The following KIRREL1 variants were observed in gnomAD, a reference collection of about 807,000 sequenced individuals.
The protein encoded by KIRREL1 is kin of IRRE-like protein 1.
A neutral mutation model predicts 83.3 loss-of-function variants in KIRREL1; 25 were observed. That is an observed-to-expected ratio of 0.30 (90% confidence interval 0.22 to 0.42). The LOEUF is 0.42. Ranked by LOEUF, KIRREL1 falls within the 10% of genes least tolerant of loss-of-function variation. KIRREL1 has a pLI of 1.00. For missense variants in KIRREL1, 812 were observed against 1,032.3 expected, an observed-to-expected ratio of 0.79 and a Z score of 2.92; for synonymous variants, 388 against 410.4, an observed-to-expected ratio of 0.95 and a Z score of 0.66.
In KIRREL1 at chr1:158,099,924, G is replaced by A. The variant is rs1395330621; in HGVS notation, c.*4804G>A. The A allele has an allele frequency of 6.6e-6, 1 of 152,104 alleles. No individual in the cohort carries two copies. Among genetic ancestry groups the A allele is most frequent in the Non-Finnish European group, 1.5e-5 (1 of 68,024 alleles). The allele number at this position is 152,104 out of a possible 1,614,324, so 9.4% of individuals were successfully genotyped here. On this transcript the variant is annotated 3_prime_UTR_variant, in exon 15 of 15. Transcript: ENST00000359209. ...TTTGAGAAGTCCAATTTCACCAGAA[G>A]AGGCCCAGGGCTCCCTGTGGTCACA...
intron 13 of KIRREL1, among the ~76,000 whole-genome samples, chr1:158,093,972 C>CA (rs1662280931): frequency 6.6e-6 from 1 of 152,270 alleles, no homozygotes; most frequent in Non-Finnish European, 1.5e-5. Context: ...TGGGATTGTC[C>CA]AAAGACTTCC....
rs1338262670 is a variant in KIRREL1, at chr1:158,097,131, G to C, written c.*2011G>C. The C allele has an allele frequency of 2.2e-6, 1 of 453,988 alleles. No homozygotes were observed. The highest frequency in any genetic ancestry group is 4.4e-6 in the Non-Finnish European group (1 of 225,696). 28.1% of individuals were successfully genotyped at this position (453,988 alleles called of 1,614,324 possible). Reference sequence around the variant, plus strand: ...CTGGGGCATTTACAGGCTTCCAGCTGTATTCCATCCCTGGAAGCTGATACC... The same window carrying C: ...CTGGGGCATTTACAGGCTTCCAGCTCTATTCCATCCCTGGAAGCTGATACC... On this transcript the variant is annotated 3_prime_UTR_variant, in exon 15 of 15. Coordinates refer to ENST00000359209, the MANE Select transcript of KIRREL1 (RefSeq NM_018240.7).
intron 1 of KIRREL1, among the ~76,000 whole-genome samples, chr1:158,067,650 G>A (rs960142314): frequency 6.6e-6 from 1 of 152,226 alleles, no homozygotes; most frequent in Non-Finnish European, 1.5e-5. Flanking sequence ...CACACAGCAG[G>A]TTGGTGGCAG....
intron 1 of KIRREL1, among the ~76,000 whole-genome samples, chr1:158,043,381 A>T (rs1660693514): frequency 6.6e-6 from 1 of 151,994 alleles, no homozygotes. Flanking sequence ...TCCTGCTCAG[A>T]TGTGCTCAGC....
chr1:158,090,961 T>C (rs1352799878), intron 10 of KIRREL1, among the ~76,000 whole-genome samples: 1 of 152,146 alleles, frequency 6.6e-6, no homozygotes, highest in Non-Finnish European at 1.5e-5. Context: ...GCAGAACTTT[T>C]TCTACAACAT....
intron 1 of KIRREL1, among the ~76,000 whole-genome samples, chr1:158,025,251 G>A (rs1271906439): frequency 6.6e-6 from 1 of 152,120 alleles, no homozygotes; most frequent in Non-Finnish European, 1.5e-5. Context: ...TCAGGGTGGC[G>A]GAGACACCGA....
intron 3 of KIRREL1, among the ~76,000 whole-genome samples, chr1:158,083,554 T>C (rs1386723612): frequency 6.6e-6 from 1 of 152,156 alleles, no homozygotes; most frequent in East Asian, 1.9e-4. Flanking sequence ...GTTGTAGCCA[T>C]TGAAGGTGCT....
chr1:158,018,209 C>A (rs745558438), intron 1 of KIRREL1, among the ~76,000 whole-genome samples: 2 of 152,132 alleles, frequency 1.3e-5, no homozygotes, highest in Non-Finnish European at 2.9e-5. Flanking sequence ...CACCCTGGGT[C>A]AGAATTGTCA....
chr1:158,044,746 A>G (rs1197028945), intron 1 of KIRREL1, among the ~76,000 whole-genome samples: 1 of 152,152 alleles, frequency 6.6e-6, no homozygotes, highest in Non-Finnish European at 1.5e-5. Context: ...TGATCCGCTC[A>G]TCCCAAAGTG....
At chr1:158,058,808 C>T (rs1013311334) in intron 1 of KIRREL1, among the ~76,000 whole-genome samples, 1 of 152,176 alleles carries the variant, frequency 6.6e-6, no homozygotes, top group African/African-American at 2.4e-5. Flanking sequence ...CTCCATCATC[C>T]CATTCCTGAG....
Position 158,088,349 on chromosome 1 carries a change from C to A in KIRREL1, c.939C>A (p.Asp313Glu). 12 of 1,613,656 alleles carry A rather than the reference C, an allele frequency of 7.4e-6. No homozygotes were observed. Among genetic ancestry groups the A allele is most frequent in the Non-Finnish European group, 1.0e-5 (12 of 1,179,796 alleles). ...CAGTTGCTCCCCGGATTGTAGTTGA[C>A]CCCAAACCCACAACCACAGACATTG... ...NVHFAPRIVV[D>E]PKPTTTDIGS... Residue 313 changes from aspartate to glutamate, a missense_variant, in exon 8 of 15, where the codon GAC becomes GAA. Asp to Glu is a conservative substitution (Grantham distance 45). This residue lies in a region of KIRREL1 where 472 missense variants were observed against 626.8 expected (regional missense o/e 0.75). Coordinates refer to ENST00000359209, the MANE Select transcript of KIRREL1 (RefSeq NM_018240.7).
At chr1:158,019,309 G>A (rs1160193543) in intron 1 of KIRREL1, among the ~76,000 whole-genome samples, 1 of 152,116 alleles carries the variant, frequency 6.6e-6, no homozygotes, top group Non-Finnish European at 1.5e-5. Flanking sequence ...GGAAAAAAAA[G>A]GCATTGAATT....
In KIRREL1 at chr1:158,095,565, G is replaced by A. The variant is rs1662334163; in HGVS notation, c.*445G>A. The A allele has an allele frequency of 6.3e-6, 1 of 159,790 alleles. No individual in the cohort carries two copies. Among genetic ancestry groups the A allele is most frequent in the African/African-American group, 2.4e-5 (1 of 41,612 alleles). 9.9% of individuals were successfully genotyped at this position (159,790 alleles called of 1,614,324 possible). A position where few individuals can be genotyped will look rare whatever the true frequency, so the allele number is the denominator to read the frequency against. On this transcript the variant is annotated 3_prime_UTR_variant, in exon 15 of 15. Coordinates refer to ENST00000359209, the MANE Select transcript of KIRREL1 (RefSeq NM_018240.7). ...TGTGGCACAGACAGGTGGAAAACGG[G>A]ATAGCCTGGCCAGTCCCTCTGTTGT...
chr1:158,030,106 T>G (rs764135430), intron 1 of KIRREL1, among the ~76,000 whole-genome samples: 9 of 152,146 alleles, frequency 5.9e-5, no homozygotes, highest in African/African-American at 9.7e-5. Flanking sequence ...CCAGAGAGAT[T>G]AAATGGTTAC....
chr1:158,008,185 G>A (rs1434217207), intron 1 of KIRREL1, among the ~76,000 whole-genome samples: 1 of 152,114 alleles, frequency 6.6e-6, no homozygotes, highest in East Asian at 1.9e-4. Flanking sequence ...AGGGAGAGAA[G>A]GGGAGAGTGG....
At chr1:158,029,251 C>G (rs1660251431) in intron 1 of KIRREL1, among the ~76,000 whole-genome samples, 1 of 151,824 alleles carries the variant, frequency 6.6e-6, no homozygotes, top group Non-Finnish European at 1.5e-5. Flanking sequence ...TGCCAAGGTG[C>G]CTGGGCAGAT....
chr1:158,097,402 A>G lies in KIRREL1; in HGVS notation c.*2282A>G, dbSNP rs541090452. 14 of 281,848 alleles carry G rather than the reference A, an allele frequency of 5.0e-5. No individual in the cohort carries two copies. Among genetic ancestry groups the G allele is most frequent in the Non-Finnish European group, 8.9e-5 (13 of 146,454 alleles). The allele number at this position is 281,848 out of a possible 1,614,324, so 17.5% of individuals were successfully genotyped here. A position where few individuals can be genotyped will look rare whatever the true frequency, so the allele number is the denominator to read the frequency against. ...CCCTTTTAGCTTAAGTATTAGTTTC[A>G]TTCTACTGAAATGATGGAGAGAGGG... is the stretch of plus-strand genomic sequence containing the variant. On this transcript the variant is annotated 3_prime_UTR_variant, in exon 15 of 15. Transcript: ENST00000359209.
chr1:158,020,599 T>TAAAAAAA (rs1659977493), intron 1 of KIRREL1, among the ~76,000 whole-genome samples: 1 of 1,460 alleles, frequency 6.8e-4, no homozygotes, highest in Non-Finnish European at 2.0e-3. Flanking sequence ...ATACAGTAAA[T>TAAAAAAA]CAAAAAAAAA....
At chr1:158,001,171 C>T (rs1294654461) in intron 1 of KIRREL1, among the ~76,000 whole-genome samples, 1 of 152,160 alleles carries the variant, frequency 6.6e-6, no homozygotes, top group Non-Finnish European at 1.5e-5. Flanking sequence ...TATATCTTCA[C>T]TGAAAGATGT....
Sources: allele counts gnomAD v4.1 joint callset (sites outside exome capture counted in the v4.1 genomes callset), GRCh38; gene constraint gnomAD v4.1.1; regional missense constraint gnomAD v4.1.1; transcripts MANE v1.5; gene names NCBI Gene and HGNC (gene_info 2026-07-23, HGNC 2026-07-21).